Variants in SAMMSON observed in about 807,000 individuals in gnomAD.
SAMMSON encodes long intergenic non-protein coding RNA 1212.
intron 9 of SAMMSON, among the ~76,000 whole-genome samples, chr3:70,365,390 A>C (rs974030265): frequency 6.6e-6 from 1 of 151,696 alleles, no homozygotes; most frequent in Non-Finnish European, 1.5e-5. Context: ...AACATCCCAA[A>C]TGTACACATA....
chr3:70,311,555 G>A (rs1331614352), intron 7 of SAMMSON, among the ~76,000 whole-genome samples: 1 of 151,990 alleles, frequency 6.6e-6, no homozygotes. Context: ...AAATTATTTA[G>A]TCTTCTTGGC....
chr3:70,105,704 C>A (rs1017676954), intron 4 of SAMMSON, among the ~76,000 whole-genome samples: 4 of 152,128 alleles, frequency 2.6e-5, no homozygotes, highest in African/African-American at 9.7e-5. Flanking sequence ...AAATTTTTAG[C>A]TATTTATGTG....
intron 2 of SAMMSON, among the ~76,000 whole-genome samples, chr3:70,401,668 G>A (rs966774358): frequency 4.0e-5 from 6 of 151,890 alleles, no homozygotes; most frequent in Non-Finnish European, 7.4e-5. Flanking sequence ...ATTATTGAAA[G>A]TGTGGTTAAG....
At chr3:70,119,890 G>T (rs1043846816) in intron 4 of SAMMSON, among the ~76,000 whole-genome samples, 1 of 152,042 alleles carries the variant, frequency 6.6e-6, no homozygotes, top group South Asian at 2.1e-4. Flanking sequence ...ATCCATTTTG[G>T]TTATTTTAAA....
intron 6 of SAMMSON, among the ~76,000 whole-genome samples, chr3:70,259,681 C>T (rs1306257940): frequency 6.6e-6 from 1 of 152,156 alleles, no homozygotes; most frequent in Non-Finnish European, 1.5e-5. Flanking sequence ...ATATTAGTTT[C>T]CCATGGCTAC....
chr3:70,227,814 C>G (rs1441833683), intron 4 of SAMMSON, among the ~76,000 whole-genome samples: 2 of 152,070 alleles, frequency 1.3e-5, no homozygotes, highest in South Asian at 2.1e-4. Context: ...AAAGGTAATA[C>G]AAACTGTGAA....
At chr3:70,187,984 C>G (rs954072224) in intron 4 of SAMMSON, among the ~76,000 whole-genome samples, 1 of 152,168 alleles carries the variant, frequency 6.6e-6, no homozygotes, top group African/African-American at 2.4e-5. Flanking sequence ...CCTCCCACCA[C>G]ATTAAGGAGA....
chr3:70,084,628 T>G (rs1396116616), intron 4 of SAMMSON: 2 of 152,094 alleles, frequency 1.3e-5, no homozygotes, highest in African/African-American at 4.8e-5. Context: ...GCCAGGCACT[T>G]CCCTGCGTTA....
At chr3:70,323,314 C>CCCAA (rs1036847079) in intron 7 of SAMMSON, among the ~76,000 whole-genome samples, 1 of 152,068 alleles carries the variant, frequency 6.6e-6, no homozygotes, top group Non-Finnish European at 1.5e-5. Context: ...CCTTAGTGAT[C>CCCAA]CCAAGTTCAT....
intron 8 of SAMMSON, among the ~76,000 whole-genome samples, chr3:70,356,472 C>T (rs953015228): frequency 1.3e-5 from 2 of 151,912 alleles, no homozygotes; most frequent in Non-Finnish European, 2.9e-5. Context: ...AATAAATAAT[C>T]GAATATATTT....
At chr3:70,172,341 A>G (rs1700965909) in intron 4 of SAMMSON, 1 of 149,930 alleles carries the variant, frequency 6.7e-6, no homozygotes, top group South Asian at 2.1e-4. Context: ...GCGTCATGCT[A>G]GAAAGAGTTT....
At chr3:70,422,365 A>G (rs576161966) in intron 2 of SAMMSON, among the ~76,000 whole-genome samples, 1 of 152,070 alleles carries the variant, frequency 6.6e-6, no homozygotes, top group Non-Finnish European at 1.5e-5. Context: ...ACTAACGTAC[A>G]TTAGGTAATT....
At chr3:70,372,766 A>G (rs1477669593) in intron 9 of SAMMSON, among the ~76,000 whole-genome samples, 1 of 152,196 alleles carries the variant, frequency 6.6e-6, no homozygotes, top group Non-Finnish European at 1.5e-5. Context: ...ACTTAAATTT[A>G]TCTACTTCAA....
At chr3:70,364,292 T>A (rs1702901668) in intron 9 of SAMMSON, among the ~76,000 whole-genome samples, 1 of 151,898 alleles carries the variant, frequency 6.6e-6, no homozygotes, top group Admixed American at 6.6e-5. Context: ...TATTGATTGT[T>A]CAAAACTGTG....
chr3:70,372,360 G>GA lies in SAMMSON; in HGVS notation n.913+14038dup, dbSNP rs1364020502. ...AGAGTCTTATTCTGTTGCCCAGGCT[G>GA]AAGTACAATGGCGTGATCTTGGCTC... On this transcript the variant is annotated intron_variant and non_coding_transcript_variant, in intron 9 of 9. Transcript: ENST00000642114. Among the ~76,000 whole-genome samples, 5 of 152,162 alleles carry GA rather than the reference G, an allele frequency of 3.3e-5. No homozygotes were observed. The East Asian group carries it at 9.7e-4, about 29-fold the overall frequency.
chr3:70,229,347 A>G (rs950360655), intron 4 of SAMMSON, among the ~76,000 whole-genome samples: 15 of 152,198 alleles, frequency 9.9e-5, no homozygotes, highest in African/African-American at 3.6e-4. Flanking sequence ...TTATTTGCAT[A>G]TGCTGGTATA....
intron 4 of SAMMSON, among the ~76,000 whole-genome samples, chr3:70,132,823 T>C (rs2067488173): frequency 6.6e-6 from 1 of 151,932 alleles, no homozygotes; most frequent in Non-Finnish European, 1.5e-5. Context: ...CTTGTCATTC[T>C]TCAGTTGACA....
chr3:70,353,219 CTG>C (rs1285613261), intron 7 of SAMMSON, among the ~76,000 whole-genome samples: 2 of 151,872 alleles, frequency 1.3e-5, no homozygotes, highest in African/African-American at 4.8e-5. Context: ...AAAACAAAAA[CTG>C]TTCTCTGTAA....
chr3:70,263,079 C>T (rs904939726), intron 6 of SAMMSON, among the ~76,000 whole-genome samples: 8 of 152,024 alleles, frequency 5.3e-5, no homozygotes, highest in South Asian at 2.1e-4. Context: ...GTTTGTCTTT[C>T]CTCTATATCT....
Sources: allele counts gnomAD v4.1 joint callset (sites outside exome capture counted in the v4.1 genomes callset), GRCh38; gene constraint gnomAD v4.1.1; transcripts MANE v1.5; gene names NCBI Gene and HGNC (gene_info 2026-07-23, HGNC 2026-07-21).